The following LSM8 variants were observed in gnomAD, a reference collection of about 807,000 sequenced individuals.
LSM8 encodes LSM8 homolog, U6 small nuclear RNA associated.
LSM8 carries 14 observed loss-of-function variants against 15.0 expected under a neutral mutation model. The ratio of observed to expected loss-of-function variants is 0.93; its 90% CI spans 0.62 to 1.46. LSM8 has a LOEUF of 1.46. Among genes scored for constraint, LSM8 ranks in the 40% most tolerant of loss-of-function variants. The pLI is 0.00. For synonymous variants in LSM8, 50 were observed against 42.1 expected, an observed-to-expected ratio of 1.19 and a Z score of -0.73; for missense variants, 90 against 115.4, an observed-to-expected ratio of 0.78 and a Z score of 1.01.
Position 118,194,644 on chromosome 7 carries a change from T to C in LSM8, c.*2642T>C, listed in dbSNP as rs1414724306. Among the ~76,000 whole-genome samples, 1 of 152,172 alleles carries C rather than the reference T, an allele frequency of 6.6e-6. No individual in the cohort carries two copies. Among genetic ancestry groups the C allele is most frequent in the African/African-American group, 2.4e-5 (1 of 41,460 alleles). ...AATGGTATTTAATGCAAATACAGAA[T>C]AACGATGTCAACATTTTCCTCAGCC... On this transcript the variant is annotated 3_prime_UTR_variant, in exon 4 of 4. Transcript: ENST00000249299.
rs1394434540 is a variant in LSM8 at position 118,197,343 on chromosome 7, C to T, written c.*5341C>T. On this transcript the variant is annotated 3_prime_UTR_variant, in exon 4 of 4. Coordinates refer to ENST00000249299, the MANE Select transcript of LSM8 (RefSeq NM_016200.5). ...ACTCCAGGGACACAATACATTGTGTCTTGTATTAAAAACTAGTGTGTGTTG... is the reference window on the plus strand; with the variant it reads ...ACTCCAGGGACACAATACATTGTGTTTTGTATTAAAAACTAGTGTGTGTTG... Among the ~76,000 whole-genome samples, 3 of 151,776 alleles carry T rather than the reference C, an allele frequency of 2.0e-5. No individual in the cohort carries two copies. Among genetic ancestry groups the T allele is most frequent in the African/African-American group, 4.8e-5 (2 of 41,290 alleles).
chr7:118,184,298 A>T (rs1046288655), intron 1 of LSM8, 44 bp downstream of exon 1: 1 of 1,456,184 alleles, frequency 6.9e-7, no homozygotes, highest in African/African-American at 1.5e-5. Flanking sequence ...GGGGTCGCGG[A>T]GAGGCCGCGG....
chr7:118,185,387 T>A, intron 1 of LSM8: 1 of 331,472 alleles, frequency 3.0e-6, no homozygotes, highest in Middle Eastern at 8.2e-4. Flanking sequence ...TGCCTCTGCC[T>A]CCTGAGTAGC....
rs371986843 is a variant in LSM8 at position 118,188,340 on chromosome 7, A to G, written c.135A>G (p.Val45=). The G allele has an allele frequency of 2.5e-6, 4 of 1,613,252 alleles. No homozygotes were observed. In the African/African-American group the frequency reaches 4.0e-5, roughly 16 times the overall value. The stretch of plus-strand genomic sequence containing the variant: ...TTTTGGATGAAAGCCATGAACGAGT[A>G]TTCAGCTCTTCACAGGGGGTAGAAC... ...NLILDESHER[V]FSSSQGVEQV... Residue 45 remains valine, a synonymous_variant, in exon 3 of 4, where the codon GTA becomes GTG. Coordinates refer to ENST00000249299, the MANE Select transcript of LSM8 (RefSeq NM_016200.5).
chr7:118,201,216 A>G lies in LSM8; in HGVS notation c.*9214A>G, dbSNP rs1478231583. Reference sequence around the variant, plus strand: ...TTTCGAGTTATTTATATATCACAGAATTTTGAACTAAAGATCATCTAGCTG... The same window carrying G: ...TTTCGAGTTATTTATATATCACAGAGTTTTGAACTAAAGATCATCTAGCTG... On this transcript the variant is annotated 3_prime_UTR_variant, in exon 4 of 4. Transcript: ENST00000249299. Among the ~76,000 whole-genome samples the G allele has an allele frequency of 6.6e-6, 1 of 152,106 alleles. No homozygotes were observed. Among genetic ancestry groups the G allele is most frequent in the Non-Finnish European group, 1.5e-5 (1 of 67,988 alleles).
In LSM8 at chr7:118,184,174, T is replaced by C; in HGVS notation, c.-50T>C. On this transcript the variant is annotated 5_prime_UTR_variant, in exon 1 of 4. Coordinates refer to ENST00000249299, the MANE Select transcript of LSM8 (RefSeq NM_016200.5). ...GGGTTCTGGCGCGCCCTTTCAGTTC[T>C]GCTTGCTGTCGGCACCGCTGCGTTA... The C allele has an allele frequency of 1.9e-6, 3 of 1,544,272 alleles. No individual in the cohort carries two copies. The highest frequency in any genetic ancestry group is 2.6e-6 in the Non-Finnish European group (3 of 1,143,898).
At chr7:118,191,851 AT>A in intron 3 of LSM8, 60 bp from the exon 4 acceptor site, 1 of 1,327,576 alleles carries the variant, frequency 7.5e-7, no homozygotes, top group Non-Finnish European at 1.1e-6. Context: ...GATTAGTAAG[AT>A]TTTTGAAACA....
rs545047671 is a variant in LSM8 at position 118,203,714 on chromosome 7, T to G, written c.*11712T>G. The stretch of plus-strand genomic sequence containing the variant: ...AAAAATCATCAAGATTCTCTTCCTT[T>G]TTATGATTCTATAGTAACAGTTTAG... On this transcript the variant is annotated 3_prime_UTR_variant, in exon 4 of 4. Transcript: ENST00000249299. Among the ~76,000 whole-genome samples the G allele has an allele frequency of 5.3e-5, 8 of 151,906 alleles. No individual in the cohort carries two copies. The highest frequency in any genetic ancestry group is 1.9e-4 in the African/African-American group (8 of 41,532).
chr7:118,184,386 C>A (rs941560781), intron 1 of LSM8, 132 bp downstream of exon 1: 9 of 1,140,308 alleles, frequency 7.9e-6, no homozygotes, highest in African/African-American at 1.6e-5. Flanking sequence ...GGCCCCGGAA[C>A]GACCCAGAGT....
In LSM8 at chr7:118,202,663, A is replaced by AT. The variant is rs1314587778; in HGVS notation, c.*10668dup. On this transcript the variant is annotated 3_prime_UTR_variant, in exon 4 of 4. Transcript: ENST00000249299. ...ACAAGGGAGGCTAGGAAGGTGAGGG[A>AT]TTTTTTTCCTTTTATAGTGACATTT... Among the ~76,000 whole-genome samples, 1 of 151,702 alleles carries AT rather than the reference A, an allele frequency of 6.6e-6. No homozygotes were observed. Among genetic ancestry groups the AT allele is most frequent in the African/African-American group, 2.4e-5 (1 of 41,330 alleles).
Position 118,198,521 on chromosome 7 carries a change from A to C in LSM8, c.*6519A>C, listed in dbSNP as rs1328311967. Among the ~76,000 whole-genome samples, 2 of 152,188 alleles carry C rather than the reference A, an allele frequency of 1.3e-5. No individual in the cohort carries two copies. The highest frequency in any genetic ancestry group is 4.8e-5 in the African/African-American group (2 of 41,454). Reference sequence around the variant, plus strand: ...AACTGGTGTTTGAAGGCAATATATAAAAGCTTCCCATGCATGGCAAAGATG... The same window carrying C: ...AACTGGTGTTTGAAGGCAATATATACAAGCTTCCCATGCATGGCAAAGATG... On this transcript the variant is annotated 3_prime_UTR_variant, in exon 4 of 4. Transcript: ENST00000249299.
Position 118,192,522 on chromosome 7 carries a change from G to C in LSM8, c.*520G>C, listed in dbSNP as rs1006595339. 6.6e-6 allele frequency: 1 copy of C among 152,162 alleles called. No individual in the cohort carries two copies. Among genetic ancestry groups the C allele is most frequent in the African/African-American group, 2.4e-5 (1 of 41,446 alleles). The allele number at this position is 152,162 out of a possible 1,614,324, so 9.4% of individuals were successfully genotyped here. A position where few individuals can be genotyped will look rare whatever the true frequency, so the allele number is the denominator to read the frequency against. On this transcript the variant is annotated 3_prime_UTR_variant, in exon 4 of 4. Transcript: ENST00000249299. ...CTGAGAGGTGTGGGTAGGTAAAAAT[G>C]TGTTTGCTTGAGAAAAGCAAAAATG...
In LSM8 at chr7:118,194,591, G is replaced by T. The variant is rs968314331; in HGVS notation, c.*2589G>T. On this transcript the variant is annotated 3_prime_UTR_variant, in exon 4 of 4. Coordinates refer to ENST00000249299, the MANE Select transcript of LSM8 (RefSeq NM_016200.5). ...CGGAATTTTTAAGGTAATAATGTGA[G>T]ATATAAGTATGATAAAAACAACTTT... Among the ~76,000 whole-genome samples, 1 of 152,060 alleles carries T rather than the reference G, an allele frequency of 6.6e-6. No homozygotes were observed. The highest frequency in any genetic ancestry group is 1.5e-5 in the Non-Finnish European group (1 of 67,998).
chr7:118,192,776 G>A lies in LSM8; in HGVS notation c.*774G>A, dbSNP rs929847427. On this transcript the variant is annotated 3_prime_UTR_variant, in exon 4 of 4. Transcript: ENST00000249299. ...TTTTAAGAATTGGAGAATTTCTAAT[G>A]TTAAAGTTAGTTTATAAATGTGAGT... is the stretch of plus-strand genomic sequence containing the variant. The A allele has an allele frequency of 6.6e-6, 1 of 152,062 alleles. No individual in the cohort carries two copies. Among genetic ancestry groups the A allele is most frequent in the Non-Finnish European group, 1.5e-5 (1 of 67,976 alleles). 9.4% of individuals were successfully genotyped at this position (152,062 alleles called of 1,614,324 possible). A position where few individuals can be genotyped will look rare whatever the true frequency, so the allele number is the denominator to read the frequency against.
rs1809061521 is a variant in LSM8 at position 118,195,327 on chromosome 7, C to T, written c.*3325C>T. ...TCAAGATAAGGATAATAACAGCTATCTTCTTGGGTTGTAAAAAGTAGCATT... is the reference window on the plus strand; with the variant it reads ...TCAAGATAAGGATAATAACAGCTATTTTCTTGGGTTGTAAAAAGTAGCATT... On this transcript the variant is annotated 3_prime_UTR_variant, in exon 4 of 4. Coordinates refer to ENST00000249299, the MANE Select transcript of LSM8 (RefSeq NM_016200.5). 6.6e-6 allele frequency among the ~76,000 whole-genome samples: 1 copy of T among 152,128 alleles called. No homozygotes were observed.
intron 2 of LSM8, among the ~76,000 whole-genome samples, chr7:118,186,421 A>G (rs1011482381): frequency 1.1e-4 from 17 of 152,274 alleles, no homozygotes; most frequent in Admixed American, 1.1e-3. Flanking sequence ...GTTTCTTTAA[A>G]TAATTTGATC....
At chr7:118,185,306 C>A (rs907252976) in intron 1 of LSM8, 2 of 193,900 alleles carry the variant, frequency 1.0e-5, no homozygotes, top group African/African-American at 4.7e-5. Flanking sequence ...GTTGCCCAGG[C>A]TGGAGTGCAG....
intron 3 of LSM8, chr7:118,188,775 A>G (rs1332208211): frequency 1.3e-5 from 2 of 156,320 alleles, no homozygotes; most frequent in Non-Finnish European, 1.4e-5. Context: ...TTAGAGGAAC[A>G]TATTTCTAGA....
Position 118,188,424 on chromosome 7 carries a change from T to A in LSM8, c.200+19T>A, listed in dbSNP as rs748884369. On this transcript the variant is annotated intron_variant, in intron 3 of 3. Transcript: ENST00000249299. Reference sequence around the variant, plus strand: ...ACAACGTGTAAGTAAAATATATCTGTTAAAATTATAAATGATACTGCCTTA... The same window carrying A: ...ACAACGTGTAAGTAAAATATATCTGATAAAATTATAAATGATACTGCCTTA... 24 of 1,600,288 alleles carry A rather than the reference T, an allele frequency of 1.5e-5. No individual in the cohort carries two copies. Among genetic ancestry groups the A allele is most frequent in the Non-Finnish European group, 1.9e-5 (22 of 1,170,768 alleles).
Sources: gnomAD v4.1 joint callset for allele counts (sites outside exome capture counted in the v4.1 genomes callset) on GRCh38, gnomAD v4.1.1 for gene constraint, MANE v1.5 for transcripts, NCBI Gene and HGNC (gene_info 2026-07-23, HGNC 2026-07-21) for gene names.